Variants in PTPRG observed in about 807,000 individuals in gnomAD.
PTPRG encodes receptor-type tyrosine-protein phosphatase gamma.
PTPRG carries 102 observed loss-of-function variants against 165.3 expected under a neutral mutation model. The ratio of observed to expected loss-of-function variants is 0.62; its 90% CI spans 0.53 to 0.73. The LOEUF (loss-of-function observed/expected upper bound fraction) is 0.73, where lower values mean the gene tolerates loss of function less well. Among genes scored for constraint, PTPRG ranks in the 30% least tolerant of loss-of-function variants. PTPRG has a pLI of 0.00. For missense variants in PTPRG, 1,866 were observed against 1,861.4 expected, an observed-to-expected ratio of 1.00 and a Z score of -0.05; for synonymous variants, 675 against 669.5, an observed-to-expected ratio of 1.01 and a Z score of -0.13.
rs565761703 is a variant in PTPRG at position 61,623,248 on chromosome 3, A to G, written c.85+60876A>G. ...TAATGGCAAGTTGGTGGTGGAATACATTGGCCCTACCATGTTTTGTTTTTA... is the reference window on the plus strand; with the variant it reads ...TAATGGCAAGTTGGTGGTGGAATACGTTGGCCCTACCATGTTTTGTTTTTA... On this transcript the variant is annotated intron_variant, in intron 1 of 29. Coordinates refer to ENST00000474889, the MANE Select transcript of PTPRG (RefSeq NM_002841.4). Among the ~76,000 whole-genome samples, 51 of 152,270 alleles carry G rather than the reference A, an allele frequency of 3.3e-4. No homozygotes were observed. In the South Asian group the frequency reaches 0.011, roughly 32 times the overall value.
intron 6 of PTPRG, among the ~76,000 whole-genome samples, chr3:62,140,845 C>T (rs1300846660): frequency 3.9e-5 from 4 of 103,076 alleles, no homozygotes; most frequent in East Asian, 5.7e-4. Flanking sequence ...AGATGAGACT[C>T]GGTCTCAAAA....
chr3:62,133,968 G>C (rs1390586688), intron 6 of PTPRG, among the ~76,000 whole-genome samples: 1 of 151,858 alleles, frequency 6.6e-6, no homozygotes, highest in Non-Finnish European at 1.5e-5. Context: ...GGACAACAGA[G>C]AGAGATTCTG....
At chr3:61,911,730 T>C (rs1455818004) in intron 2 of PTPRG, among the ~76,000 whole-genome samples, 1 of 152,206 alleles carries the variant, frequency 6.6e-6, no homozygotes, top group South Asian at 2.1e-4. Flanking sequence ...ATTTCTTTTT[T>C]CCCCAAGTTA....
intron 1 of PTPRG, among the ~76,000 whole-genome samples, chr3:61,646,132 G>A (rs1702195565): frequency 6.6e-6 from 1 of 151,998 alleles, no homozygotes; most frequent in Non-Finnish European, 1.5e-5. Flanking sequence ...TTGAGATGGG[G>A]TCTCACTCTG....
intron 12 of PTPRG, among the ~76,000 whole-genome samples, chr3:62,211,937 C>T (rs1429768902): frequency 3.3e-5 from 5 of 151,812 alleles, no homozygotes; most frequent in Non-Finnish European, 7.4e-5. Flanking sequence ...ACATATGCCA[C>T]TGAAAACTGT....
At chr3:62,093,346 C>T (rs1487872196) in intron 5 of PTPRG, among the ~76,000 whole-genome samples, 1 of 152,234 alleles carries the variant, frequency 6.6e-6, no homozygotes, top group African/African-American at 2.4e-5. Context: ...CCCTCTGCTT[C>T]CCAGAGTCAC....
chr3:61,598,300 C>T (rs1029947999), intron 1 of PTPRG, among the ~76,000 whole-genome samples: 4 of 151,980 alleles, frequency 2.6e-5, no homozygotes, highest in Non-Finnish European at 4.4e-5. Flanking sequence ...TTATTCACCA[C>T]GGGAAGAAAA....
At chr3:61,799,343 C>T (rs1293087340) in intron 2 of PTPRG, among the ~76,000 whole-genome samples, 8 of 152,118 alleles carry the variant, frequency 5.3e-5, no homozygotes, top group African/African-American at 1.4e-4. Flanking sequence ...GTAGAGTTCT[C>T]GTCATTACTA....
chr3:61,865,263 CACA>C (rs774779945), intron 2 of PTPRG, among the ~76,000 whole-genome samples: 21 of 152,128 alleles, frequency 1.4e-4, no homozygotes, highest in Non-Finnish European at 2.8e-4. Context: ...GCCAAACCCC[CACA>C]ACAATAGTGA....
At chr3:61,801,677 G>A (rs1456511958) in intron 2 of PTPRG, among the ~76,000 whole-genome samples, 5 of 152,104 alleles carry the variant, frequency 3.3e-5, no homozygotes, top group African/African-American at 9.7e-5. Flanking sequence ...GTTTCTCTCT[G>A]TTTCTGGGCT....
At chr3:61,958,007 T>G (rs1383412670) in intron 2 of PTPRG, among the ~76,000 whole-genome samples, 1 of 152,238 alleles carries the variant, frequency 6.6e-6, no homozygotes, top group African/African-American at 2.4e-5. Context: ...TTTTCTGGTT[T>G]GTTAGTTATC....
chr3:61,958,762 T>A (rs1386684119), intron 2 of PTPRG, among the ~76,000 whole-genome samples: 1 of 152,224 alleles, frequency 6.6e-6, no homozygotes, highest in Non-Finnish European at 1.5e-5. Flanking sequence ...TAATTGCTTG[T>A]TGAATTGGAG....
At chr3:62,094,307 T>A (rs1172029386) in intron 5 of PTPRG, among the ~76,000 whole-genome samples, 1 of 152,188 alleles carries the variant, frequency 6.6e-6, no homozygotes, top group African/African-American at 2.4e-5. Flanking sequence ...CTCCAGTATA[T>A]GTCTGGTCAT....
intron 2 of PTPRG, among the ~76,000 whole-genome samples, chr3:61,976,517 G>T (rs979353436): frequency 1.4e-4 from 22 of 152,138 alleles, no homozygotes; most frequent in Admixed American, 7.9e-4. Flanking sequence ...GTACTAATGG[G>T]TATATTAGCA....
At chr3:61,822,468 C>A (rs2035982704) in intron 2 of PTPRG, among the ~76,000 whole-genome samples, 1 of 152,160 alleles carries the variant, frequency 6.6e-6, no homozygotes, top group African/African-American at 2.4e-5. Context: ...TGGAAGCTTT[C>A]ACAGCCAACT....
chr3:61,635,514 G>A (rs1311917957), intron 1 of PTPRG, among the ~76,000 whole-genome samples: 2 of 151,584 alleles, frequency 1.3e-5, no homozygotes, highest in Admixed American at 6.6e-5. Context: ...GCACCACCAC[G>A]CCTGGCTAAT....
At chr3:62,161,428 G>A (rs1209819568) in intron 7 of PTPRG, among the ~76,000 whole-genome samples, 2 of 152,184 alleles carry the variant, frequency 1.3e-5, no homozygotes, top group Non-Finnish European at 2.9e-5. Flanking sequence ...TGCAAATGTA[G>A]GGCTAGCCAT....
At chr3:62,164,247 C>T (rs1419159206) in intron 7 of PTPRG, among the ~76,000 whole-genome samples, 2 of 152,092 alleles carry the variant, frequency 1.3e-5, no homozygotes, top group African/African-American at 4.8e-5. Context: ...AGTGGAGGTC[C>T]AAGGCAAGAG....
At chr3:61,990,899 CTT>C (rs10662494) in intron 3 of PTPRG, among the ~76,000 whole-genome samples, 43 of 139,150 alleles carry the variant, frequency 3.1e-4, no homozygotes, top group African/African-American at 7.1e-4. Flanking sequence ...ACAAAGTTGC[CTT>C]TTTTTTTTTT....
Sources: gnomAD v4.1 joint callset for allele counts (sites outside exome capture counted in the v4.1 genomes callset) on GRCh38, gnomAD v4.1.1 for gene constraint, MANE v1.5 for transcripts, NCBI Gene and HGNC (gene_info 2026-07-23, HGNC 2026-07-21) for gene names.